Variants in CTIF observed in about 807,000 individuals in gnomAD.
CTIF encodes the protein cap binding complex dependent translation initiation factor.
CTIF carries 21 observed loss-of-function variants against 66.0 expected under a neutral mutation model. The observed-to-expected ratio is 0.32, with a 90% confidence interval of 0.23 to 0.46. The LOEUF (loss-of-function observed/expected upper bound fraction) is 0.46, where lower values mean the gene tolerates loss of function less well. CTIF is among the 20% of genes least tolerant of loss of function. CTIF has a pLI of 1.00. For missense variants in CTIF, 739 were observed against 812.7 expected, an observed-to-expected ratio of 0.91 and a Z score of 1.10; for synonymous variants, 345 against 326.4, an observed-to-expected ratio of 1.06 and a Z score of -0.62.
intron 10 of CTIF, 135 bp downstream of exon 10, chr18:48,817,511 C>T: frequency 9.4e-7 from 1 of 1,068,400 alleles, no homozygotes; most frequent in Non-Finnish European, 1.3e-6. Context: ...CACGGTGGCT[C>T]ACACCTGTAA....
chr18:48,652,558 A>C (rs1455701799), intron 3 of CTIF, among the ~76,000 whole-genome samples: 1 of 152,214 alleles, frequency 6.6e-6, no homozygotes, highest in Non-Finnish European at 1.5e-5. Context: ...CAGAGGTACA[A>C]AGAGGAGCTG....
At chr18:48,665,764 A>C (rs901710592) in intron 5 of CTIF, among the ~76,000 whole-genome samples, 6 of 152,166 alleles carry the variant, frequency 3.9e-5, no homozygotes, top group Non-Finnish European at 8.8e-5. Context: ...CCCTTGGCAT[A>C]ATGTTTTTGA....
intron 3 of CTIF, among the ~76,000 whole-genome samples, chr18:48,642,724 A>G (rs764331739): frequency 7.2e-5 from 11 of 152,194 alleles, no homozygotes; most frequent in Non-Finnish European, 1.5e-4. Flanking sequence ...AGTAACAAAC[A>G]AGCCCAAATC....
chr18:48,670,005 A>G (rs1427973135), intron 5 of CTIF, among the ~76,000 whole-genome samples: 1 of 151,376 alleles, frequency 6.6e-6, no homozygotes, highest in East Asian at 1.9e-4. Flanking sequence ...CATTTGATGA[A>G]ATGAGTACAG....
At chr18:48,751,944 T>TATTCATTCATTC (rs71976839) in intron 7 of CTIF, among the ~76,000 whole-genome samples, 16 of 150,912 alleles carry the variant, frequency 1.1e-4, no homozygotes, top group African/African-American at 3.2e-4. Context: ...CATCATTTAT[T>TATTCATTCATTC]ATTCATTCAT....
intron 7 of CTIF, among the ~76,000 whole-genome samples, chr18:48,731,111 G>A (rs1482762910): frequency 1.3e-5 from 2 of 152,106 alleles, no homozygotes; most frequent in African/African-American, 4.8e-5. Flanking sequence ...GCAGTGTGTG[G>A]CCCCTTTGGG....
At chr18:48,708,460 G>A (rs563113080) in intron 6 of CTIF, among the ~76,000 whole-genome samples, 108 of 152,298 alleles carry the variant, frequency 7.1e-4, no homozygotes, top group Non-Finnish European at 1.2e-3. Flanking sequence ...TCAACACAGT[G>A]CCCCCCATTG....
rs1908952132 is a variant in CTIF, at chr18:48,761,226, A to G, written c.1072-164A>G. The G allele has an allele frequency of 6.3e-6, 4 of 630,894 alleles. No homozygotes were observed. Among genetic ancestry groups the G allele is most frequent in the Admixed American group, 6.0e-5 (2 of 33,450 alleles). The allele number at this position is 630,894 out of a possible 1,614,324, so 39.1% of individuals were successfully genotyped here. On this transcript the variant is annotated intron_variant, in intron 8 of 11. Coordinates refer to ENST00000256413, the MANE Select transcript of CTIF (RefSeq NM_014772.3). This position sits in a 1 kb window ranked among gnomAD's most constrained non-coding sequence, Gnocchi z 4.2. ...AAAGGCAACAAGGAGCTTTTGGCGC[A>G]TGAGGGGTCTTTGGTGGAGGTTCCC...
chr18:48,733,463 A>G (rs527558324), intron 7 of CTIF, among the ~76,000 whole-genome samples: 18 of 152,324 alleles, frequency 1.2e-4, no homozygotes, highest in Non-Finnish European at 2.1e-4. Context: ...GTGCAGGGTC[A>G]GGAGTGGGGT....
intron 1 of CTIF, among the ~76,000 whole-genome samples, chr18:48,549,838 G>T (rs1473300238): frequency 1.3e-5 from 2 of 152,216 alleles, no homozygotes; most frequent in Non-Finnish European, 2.9e-5. Context: ...GTGTTTGCAA[G>T]GAAGTGGGGA....
chr18:48,652,453 A>G (rs1400509315), intron 3 of CTIF, among the ~76,000 whole-genome samples: 1 of 152,236 alleles, frequency 6.6e-6, no homozygotes, highest in African/African-American at 2.4e-5. Context: ...GAATCTCTGA[A>G]TAGACCAATA....
chr18:48,642,523 G>A (rs936285465), intron 3 of CTIF, among the ~76,000 whole-genome samples: 2 of 152,188 alleles, frequency 1.3e-5, no homozygotes, highest in African/African-American at 2.4e-5. Flanking sequence ...GGATCATATT[G>A]GGTGTTACTC....
Position 48,773,170 on chromosome 18 carries a change from G to A in CTIF, c.1371+11481G>A, listed in dbSNP as rs185606040. On this transcript the variant is annotated intron_variant, in intron 9 of 11. Coordinates refer to ENST00000256413, the MANE Select transcript of CTIF (RefSeq NM_014772.3). Reference sequence around the variant, plus strand: ...TAGACCAGTGTAGACTTGCAGGAAGGATCTATAGATCATCCAGTCCAACCC... The same window carrying A: ...TAGACCAGTGTAGACTTGCAGGAAGAATCTATAGATCATCCAGTCCAACCC... Among the ~76,000 whole-genome samples, 7 of 152,294 alleles carry A rather than the reference G, an allele frequency of 4.6e-5. No individual in the cohort carries two copies. The South Asian group carries it at 6.2e-4, about 14-fold the overall frequency.
At chr18:48,694,720 AT>A (rs1226891249) in intron 6 of CTIF, among the ~76,000 whole-genome samples, 8 of 152,264 alleles carry the variant, frequency 5.3e-5, no homozygotes, top group African/African-American at 1.9e-4. Context: ...AAGTAATTGA[AT>A]TTCTGAAATG....
intron 11 of CTIF, among the ~76,000 whole-genome samples, chr18:48,858,121 G>A (rs902601372): frequency 3.3e-5 from 5 of 152,234 alleles, no homozygotes; most frequent in East Asian, 1.9e-4. Flanking sequence ...TCCCTTTAGC[G>A]CCTGGCTTTG....
At chr18:48,775,509 C>T (rs1910588589) in intron 9 of CTIF, among the ~76,000 whole-genome samples, 1 of 152,244 alleles carries the variant, frequency 6.6e-6, no homozygotes, top group African/African-American at 2.4e-5. Flanking sequence ...GTAGACAGCC[C>T]AGGATCCAGC....
chr18:48,604,614 G>A (rs1366053856), intron 1 of CTIF, among the ~76,000 whole-genome samples: 1 of 152,128 alleles, frequency 6.6e-6, no homozygotes, highest in Non-Finnish European at 1.5e-5. Context: ...GCCAATCCAT[G>A]TACATTACTT....
At chr18:48,750,443 G>A (rs1190180590) in intron 7 of CTIF, among the ~76,000 whole-genome samples, 1 of 152,386 alleles carries the variant, frequency 6.6e-6, no homozygotes. Flanking sequence ...CAAGATGGAG[G>A]AAGGTGGCAG....
At chr18:48,622,730 G>A (rs1418144011) in intron 2 of CTIF, among the ~76,000 whole-genome samples, 2 of 152,188 alleles carry the variant, frequency 1.3e-5, no homozygotes, top group Non-Finnish European at 2.9e-5. Flanking sequence ...TCTTTAGATT[G>A]TCTAGGGCAG....
Sources: gnomAD v4.1 joint callset for allele counts (sites outside exome capture counted in the v4.1 genomes callset) on GRCh38, gnomAD v4.1.1 for gene constraint, Gnocchi (gnomAD v3.1) non-coding constraint, MANE v1.5 for transcripts, NCBI Gene and HGNC (gene_info 2026-07-23, HGNC 2026-07-21) for gene names.